The following ARHGAP8 variants were observed in gnomAD, a reference collection of about 807,000 sequenced individuals.
ARHGAP8 encodes Rho GTPase activating protein 8.
A neutral mutation model predicts 46.1 loss-of-function variants in ARHGAP8; 62 were observed. The ratio of observed to expected loss-of-function variants is 1.34; its 90% CI spans 1.10 to 1.66. The LOEUF is 1.66. ARHGAP8 is among the 40% of genes most tolerant of loss of function. The pLI, the probability that ARHGAP8 is intolerant of heterozygous loss-of-function variation, is 0.00. For missense variants in ARHGAP8, 923 were observed against 568.4 expected (o/e 1.62, Z -6.34); for synonymous variants, 375 against 243.1 (o/e 1.54, Z -5.05).
intron 7 of ARHGAP8, among the ~76,000 whole-genome samples, chr22:44,831,464 G>A (rs575590217): frequency 1.1e-4 from 17 of 152,294 alleles, no homozygotes; most frequent in African/African-American, 3.8e-4. Flanking sequence ...GGGAGGCTGA[G>A]GCGGGTGGAT....
At chr22:44,819,328 A>G (rs1353814051) in intron 5 of ARHGAP8, among the ~76,000 whole-genome samples, 1 of 152,150 alleles carries the variant, frequency 6.6e-6, no homozygotes, top group East Asian at 1.9e-4. Flanking sequence ...CGGCCTCTCA[A>G]AGTGCTGGGA....
chr22:44,822,531 G>A (rs1174829600), intron 6 of ARHGAP8, 62 bp downstream of exon 6: 2 of 1,399,066 alleles, frequency 1.4e-6, no homozygotes, highest in Non-Finnish European at 1.9e-6. Flanking sequence ...AAAGGGCTTG[G>A]TTCAGTCCCA....
intron 1 of ARHGAP8, among the ~76,000 whole-genome samples, chr22:44,758,337 G>A (rs1329158424): frequency 6.6e-6 from 1 of 152,054 alleles, no homozygotes; most frequent in Non-Finnish European, 1.5e-5. Flanking sequence ...CAGGAGAATC[G>A]CTTGAATCCG....
chr22:44,862,225 C>T (rs369154590), intron 11 of ARHGAP8, 50 bp from the exon 12 acceptor site: 85 of 1,533,980 alleles, frequency 5.5e-5, no homozygotes, highest in Non-Finnish European at 6.9e-5. Context: ...TTCCAGGTGC[C>T]CGTGCCCCTT....
At position 44,828,962 on chromosome 22, in the gene ARHGAP8, C is replaced by G. The variant is rs374647426; in HGVS notation, c.596+3369C>G. 5.9e-5 allele frequency among the ~76,000 whole-genome samples: 9 copies of G among 151,952 alleles called. No individual in the cohort carries two copies. The East Asian group carries it at 9.7e-4, about 16-fold the overall frequency. On this transcript the variant is annotated intron_variant, in intron 7 of 11. Transcript: ENST00000356099. ...AGAGCCACTTCTCTCTTCTTATCAT[C>G]TAACAAAACTTTAAAAACGAAAAAC...
rs201529692 is a variant in ARHGAP8, at chr22:44,786,559, G to C, written c.32G>C (p.Ser11Thr). The C allele has an allele frequency of 3.7e-6, 6 of 1,613,478 alleles. No individual in the cohort carries two copies. In the South Asian group the frequency reaches 6.6e-5, roughly 18 times the overall value. The stretch of plus-strand genomic sequence containing the variant: ...GGCCAGGATCCTGCGCTGAGCACGA[G>C]TCACCCGTTCTACGACGTGGCCAGA... MAGQDPALST[S>T]HPFYDVARHG... Residue 11 changes from serine to threonine, a missense_variant, in exon 2 of 12, where the codon AGT becomes ACT. Physicochemically the swap from Ser to Thr is moderately conservative, Grantham distance 58. Transcript: ENST00000356099.
At chr22:44,854,671 C>G (rs1409565915) in intron 10 of ARHGAP8, among the ~76,000 whole-genome samples, 1 of 152,176 alleles carries the variant, frequency 6.6e-6, no homozygotes, top group East Asian at 1.9e-4. Flanking sequence ...TGGAGTCTCG[C>G]TCTGTTGCCC....
chr22:44,862,760 TGAG>T lies in ARHGAP8; in HGVS notation c.*166_*168del. On this transcript the variant is annotated 3_prime_UTR_variant, in exon 12 of 12. Transcript: ENST00000356099. The stretch of plus-strand genomic sequence containing the variant: ...TCCTTGGACTCTTGTCCATGGTTCC[TGAG>T]CTGTGGACCGGGATAGAATAATGCA... 78 of 845,354 alleles carry T rather than the reference TGAG, an allele frequency of 9.2e-5. No individual in the cohort carries two copies. The highest frequency in any genetic ancestry group is 1.3e-4 in the Non-Finnish European group (73 of 575,884). 52.4% of individuals were successfully genotyped at this position (845,354 alleles called of 1,614,324 possible). A position where few individuals can be genotyped will look rare whatever the true frequency, so the allele number is the denominator to read the frequency against.
At chr22:44,849,445 C>G (rs1240617783) in intron 10 of ARHGAP8, 1 of 256,108 alleles carries the variant, frequency 3.9e-6, no homozygotes, top group Non-Finnish European at 7.7e-6. Flanking sequence ...CGGCATTTCT[C>G]CCCAGATCAT....
intron 1 of ARHGAP8, among the ~76,000 whole-genome samples, chr22:44,763,432 G>A (rs187684057): frequency 2.2e-3 from 324 of 148,750 alleles, no homozygotes; most frequent in Middle Eastern, 0.01. Context: ...GGGAGGCAGA[G>A]GTTGCACCGA....
chr22:44,800,425 A>G (rs1928414211), intron 2 of ARHGAP8, among the ~76,000 whole-genome samples: 1 of 152,016 alleles, frequency 6.6e-6, no homozygotes, highest in Admixed American at 6.5e-5. Flanking sequence ...TTTTTATCTC[A>G]CTAAGCGCCT....
chr22:44,808,910 T>C, intron 4 of ARHGAP8: 1 of 364,766 alleles, frequency 2.7e-6, no homozygotes. Context: ...CTCGGCCTCC[T>C]GGGCTCAAGC....
chr22:44,801,286 C>T (rs1414816020), intron 2 of ARHGAP8, among the ~76,000 whole-genome samples: 1 of 95,374 alleles, frequency 1.0e-5, no homozygotes. Context: ...CGCCTCTCCC[C>T]GCAGCTGTCT....
At chr22:44,797,032 C>T (rs1043875972) in intron 2 of ARHGAP8, among the ~76,000 whole-genome samples, 6 of 152,108 alleles carry the variant, frequency 3.9e-5, no homozygotes, top group African/African-American at 1.2e-4. Context: ...CCATTTCCCC[C>T]GGATCCCTTT....
rs778684393 is a variant in ARHGAP8 at position 44,861,810 on chromosome 22, T to C, written c.982-465T>C. ...CTGGGGTTGCACGTGTTGGCGGAGA[T>C]GGACAAGGAGCCCCTTCTAGCAGGC... On this transcript the variant is annotated intron_variant, in intron 11 of 11. Coordinates refer to ENST00000356099, the MANE Select transcript of ARHGAP8 (RefSeq NM_181335.3). Among the ~76,000 whole-genome samples, 6 of 152,112 alleles carry C rather than the reference T, an allele frequency of 3.9e-5. No homozygotes were observed. The South Asian group carries it at 6.2e-4, about 16-fold the overall frequency.
chr22:44,760,540 G>A (rs1171279849), intron 1 of ARHGAP8, among the ~76,000 whole-genome samples: 1 of 152,180 alleles, frequency 6.6e-6, no homozygotes, highest in Non-Finnish European at 1.5e-5. Context: ...AGCCTGCATT[G>A]TGCAAATACC....
Position 44,804,542 on chromosome 22 carries a change from G to A in ARHGAP8, c.167+2378G>A, listed in dbSNP as rs920774750. Among the ~76,000 whole-genome samples, 14 of 152,310 alleles carry A rather than the reference G, an allele frequency of 9.2e-5. 1 individual carries two copies. Among genetic ancestry groups the A allele is most frequent in the Admixed American group, 2.6e-4 (4 of 15,310 alleles). ...TGGGTGTCCCTGGAAACATTTATGTGCCCTTGTGAGGACAGGGAGCACGGC... is the reference window on the plus strand; with the variant it reads ...TGGGTGTCCCTGGAAACATTTATGTACCCTTGTGAGGACAGGGAGCACGGC... On this transcript the variant is annotated intron_variant, in intron 3 of 11. Coordinates refer to ENST00000356099, the MANE Select transcript of ARHGAP8 (RefSeq NM_181335.3).
At chr22:44,764,727 G>A (rs1025113949) in intron 1 of ARHGAP8, among the ~76,000 whole-genome samples, 1 of 152,234 alleles carries the variant, frequency 6.6e-6, no homozygotes, top group Admixed American at 6.5e-5. Flanking sequence ...GGCAGTTCAC[G>A]GGAAAGAGAA....
chr22:44,821,651 C>G (rs745770058), intron 5 of ARHGAP8, among the ~76,000 whole-genome samples: 10 of 152,186 alleles, frequency 6.6e-5, no homozygotes, highest in African/African-American at 2.4e-4. Flanking sequence ...GTCGTCACAG[C>G]GAGCATGTCC....
Sources: allele counts gnomAD v4.1 joint callset (sites outside exome capture counted in the v4.1 genomes callset), GRCh38; gene constraint gnomAD v4.1.1; transcripts MANE v1.5; gene names NCBI Gene and HGNC (gene_info 2026-07-23, HGNC 2026-07-21).